Variants in SSBP2 observed in about 807,000 individuals in gnomAD.
The protein encoded by SSBP2 is single-stranded DNA-binding protein 2.
A neutral mutation model predicts 61.8 loss-of-function variants in SSBP2; 17 were observed. The observed-to-expected ratio is 0.28, with a 90% CI of 0.19 to 0.41. SSBP2 has a LOEUF of 0.41. Among genes scored for constraint, SSBP2 ranks in the 10% least tolerant of loss-of-function variants. The pLI, the probability that SSBP2 is intolerant of heterozygous loss-of-function variation, is 1.00. For synonymous variants in SSBP2, 139 were observed against 141.3 expected (o/e 0.98, Z 0.12); for missense variants, 310 against 458.7 (o/e 0.68, Z 2.96).
At chr5:81,598,587 T>G (rs995608066) in intron 4 of SSBP2, among the ~76,000 whole-genome samples, 2 of 152,186 alleles carry the variant, frequency 1.3e-5, no homozygotes, top group African/African-American at 4.8e-5. Flanking sequence ...TAGTTTTGCT[T>G]CCTCCAACCC....
At chr5:81,730,264 G>A (rs148128400) in intron 1 of SSBP2, among the ~76,000 whole-genome samples, 1,980 of 152,076 alleles carry the variant, frequency 0.013, 45 homozygotes, top group African/African-American at 0.045. Context: ...TCGCTCTGTC[G>A]CCCAGGCTGG....
chr5:81,741,873 A>G (rs915836396), intron 1 of SSBP2, among the ~76,000 whole-genome samples: 1 of 152,218 alleles, frequency 6.6e-6, no homozygotes, highest in Non-Finnish European at 1.5e-5. Flanking sequence ...GTACTGACAT[A>G]AACTTTTAAC....
chr5:81,744,908 TA>T (rs1192716747), intron 1 of SSBP2, among the ~76,000 whole-genome samples: 2 of 151,808 alleles, frequency 1.3e-5, no homozygotes, highest in Admixed American at 6.6e-5. Flanking sequence ...AGTTTGTCTT[TA>T]AAAAAAAGAA....
At chr5:81,588,995 G>A (rs1775287783) in intron 4 of SSBP2, among the ~76,000 whole-genome samples, 2 of 152,160 alleles carry the variant, frequency 1.3e-5, no homozygotes, top group African/African-American at 2.4e-5. Flanking sequence ...AGCCCAGGAG[G>A]TAGAGGCTGC....
Position 81,639,179 on chromosome 5 carries a change from T to C in SSBP2, c.136-2561A>G, listed in dbSNP as rs185596823. Among the ~76,000 whole-genome samples the C allele has an allele frequency of 5.9e-5, 9 of 152,288 alleles. No homozygotes were observed. In the East Asian group the frequency reaches 1.7e-3, roughly 29 times the overall value. On this transcript the variant is annotated intron_variant, in intron 2 of 16. Transcript: ENST00000320672. Reference sequence around the variant, plus strand: ...GTTGAGTTTTTAAATAAATTCGTGATTTGAGGGTGTGGGCAGAAGAAGACA... The same window carrying C: ...GTTGAGTTTTTAAATAAATTCGTGACTTGAGGGTGTGGGCAGAAGAAGACA...
chr5:81,595,968 C>T (rs1220408077), intron 4 of SSBP2, among the ~76,000 whole-genome samples: 2 of 152,158 alleles, frequency 1.3e-5, no homozygotes, highest in Non-Finnish European at 2.9e-5. Flanking sequence ...CCCTCTCTCA[C>T]CACTCCTATT....
intron 5 of SSBP2, among the ~76,000 whole-genome samples, chr5:81,498,562 AATACATTTACT>A (rs964955103): frequency 2.6e-5 from 4 of 152,116 alleles, no homozygotes; most frequent in Non-Finnish European, 4.4e-5. Context: ...AAGTAATAAA[AATACATTTACT>A]ATAAGATTTA....
intron 5 of SSBP2, among the ~76,000 whole-genome samples, chr5:81,493,299 TA>T (rs1767022397): frequency 5.5e-5 from 8 of 146,632 alleles, no homozygotes; most frequent in African/African-American, 2.0e-4. Context: ...GATAGATAGA[TA>T]GATTAACAGG....
At chr5:81,470,298 ATATAT>A (rs1003232985) in intron 8 of SSBP2, among the ~76,000 whole-genome samples, 32 of 111,788 alleles carry the variant, frequency 2.9e-4, no homozygotes, top group African/African-American at 1.9e-3. Context: ...AACTGGTTTC[ATATAT>A]GATATTAGAA....
rs1414017000 is a variant in SSBP2 at position 81,419,989 on chromosome 5, C to G, written c.*515G>C. Reference sequence around the variant, plus strand: ...TCCTATCCATGATTGCAGACATTTACAAAACCATAACATCTGAGTTCACCT... The same window carrying G: ...TCCTATCCATGATTGCAGACATTTAGAAAACCATAACATCTGAGTTCACCT... On this transcript the variant is annotated 3_prime_UTR_variant, in exon 17 of 17. Transcript: ENST00000320672. 1 of 152,582 alleles carries G rather than the reference C, an allele frequency of 6.6e-6. No individual in the cohort carries two copies. Among genetic ancestry groups the G allele is most frequent in the Non-Finnish European group, 1.5e-5 (1 of 68,088 alleles). 9.5% of individuals were successfully genotyped at this position (152,582 alleles called of 1,614,324 possible).
At chr5:81,675,652 A>G (rs1331308266) in intron 1 of SSBP2, among the ~76,000 whole-genome samples, 6 of 152,134 alleles carry the variant, frequency 3.9e-5, no homozygotes, top group Admixed American at 1.3e-4. Context: ...TAACTAGTAA[A>G]TGTGTTGATA....
chr5:81,618,458 C>T (rs1746274333), intron 3 of SSBP2, among the ~76,000 whole-genome samples: 1 of 24,354 alleles, frequency 4.1e-5, no homozygotes, highest in African/African-American at 1.3e-4. Flanking sequence ...TAAAGCAAGT[C>T]CTGAGTGACC....
chr5:81,710,576 A>C (rs536866900), intron 1 of SSBP2: 83 of 396,036 alleles, frequency 2.1e-4, no homozygotes, highest in Non-Finnish European at 3.8e-4. Flanking sequence ...GGTAGAAATA[A>C]CTAGAGGGGA....
At chr5:81,651,002 A>G (rs1342116850) in intron 1 of SSBP2, among the ~76,000 whole-genome samples, 1 of 152,172 alleles carries the variant, frequency 6.6e-6, no homozygotes, top group Non-Finnish European at 1.5e-5. Context: ...TTTTTCATTC[A>G]AATATAGAAT....
intron 7 of SSBP2, 108 bp downstream of exon 7, chr5:81,474,388 G>A: frequency 2.2e-6 from 2 of 912,966 alleles, no homozygotes; most frequent in Non-Finnish European, 3.4e-6. Flanking sequence ...AAATGCAACT[G>A]GTATAACTAT....
intron 4 of SSBP2, among the ~76,000 whole-genome samples, chr5:81,608,159 C>A (rs1424745367): frequency 6.6e-6 from 1 of 152,066 alleles, no homozygotes; most frequent in Non-Finnish European, 1.5e-5. Context: ...GTTCTTCCTC[C>A]CTAATTTCAG....
At chr5:81,719,274 G>C (rs1345778212) in intron 1 of SSBP2, among the ~76,000 whole-genome samples, 1 of 152,128 alleles carries the variant, frequency 6.6e-6, no homozygotes, top group Non-Finnish European at 1.5e-5. Context: ...AGGACTTATA[G>C]CCACCACTGT....
intron 5 of SSBP2, among the ~76,000 whole-genome samples, chr5:81,513,234 A>G (rs574404265): frequency 2.0e-5 from 3 of 152,266 alleles, no homozygotes; most frequent in African/African-American, 7.2e-5. Context: ...AATAAATTAT[A>G]ATTTAGTTAT....
At chr5:81,499,175 T>G (rs1045261495) in intron 5 of SSBP2, among the ~76,000 whole-genome samples, 1 of 152,172 alleles carries the variant, frequency 6.6e-6, no homozygotes, top group Non-Finnish European at 1.5e-5. Context: ...AGTATGCAGT[T>G]TATCTCCCAT....
Sources: allele counts gnomAD v4.1 joint callset (sites outside exome capture counted in the v4.1 genomes callset), GRCh38; gene constraint gnomAD v4.1.1; transcripts MANE v1.5; gene names NCBI Gene and HGNC (gene_info 2026-07-23, HGNC 2026-07-21).